Variants in SYT9 observed in about 807,000 individuals in gnomAD.
SYT9 encodes the protein synaptotagmin-9.
Under a neutral mutation model 48.4 loss-of-function variants are expected in SYT9, and 22 were observed. That is an observed-to-expected ratio of 0.45 (90% confidence interval 0.32 to 0.65). The LOEUF is 0.65. Among genes scored for constraint, SYT9 ranks in the 30% least tolerant of loss-of-function variants. The pLI is 0.03. For missense variants in SYT9, 577 were observed against 622.0 expected (o/e 0.93, Z 0.77); for synonymous variants, 265 against 245.0 (o/e 1.08, Z -0.76).
chr11:7,250,440 T>TC (rs35685637), upstream of SYT9, among the ~76,000 whole-genome samples: 32 of 116,322 alleles, frequency 2.8e-4, no homozygotes, highest in South Asian at 6.4e-4. Flanking sequence ...TTACTATATG[T>TC]CCCCCCCGCC....
intron 6 of SYT9, among the ~76,000 whole-genome samples, chr11:7,423,009 T>A (rs985206201): frequency 2.6e-5 from 4 of 152,244 alleles, no homozygotes; most frequent in African/African-American, 7.2e-5. Context: ...CCACTGAAAC[T>A]TAGAAGTCAT....
chr11:7,252,328 C>T lies in SYT9; in HGVS notation c.142C>T (p.Pro48Ser), dbSNP rs781298906. 6.8e-7 allele frequency: 1 copy of T among 1,478,758 alleles called. No homozygotes were observed. Among genetic ancestry groups the T allele is most frequent in the South Asian group, 1.4e-5 (1 of 73,768 alleles). 91.6% of individuals were successfully genotyped at this position (1,478,758 alleles called of 1,614,324 possible). A position where few individuals can be genotyped will look rare whatever the true frequency, so the allele number is the denominator to read the frequency against. The change falls in exon 1 of 7, where the codon CCA becomes TCA. Residue 48 changes from proline (P) to serine (S), a missense_variant. Physicochemically the swap from Pro to Ser is moderately conservative, Grantham distance 74. Coordinates refer to ENST00000318881, the MANE Select transcript of SYT9 (RefSeq NM_175733.4). The surrounding 1 kb of genome is among the most constrained non-coding windows in gnomAD (Gnocchi z 6.3). Reference protein sequence around the residue: ...RDRARPRLRDPDISVSLLTLV... With the variant: ...RDRARPRLRDSDISVSLLTLV... ...CCGTGCCAGACCCCGGCTCCGCGAC[C>T]CAGGTGAGTGCCGCCACCGCCGCCT...
Position 7,252,158 on chromosome 11 carries a change from C to T in SYT9, c.-29C>T. ...AGGGCTGTCTCCTGCGCCCGCCTGC[C>T]CGGCGCGGTCCGAGGATGCGGGGGG... is the stretch of plus-strand genomic sequence containing the variant. On this transcript the variant is annotated 5_prime_UTR_variant, in exon 1 of 7. Coordinates refer to ENST00000318881, the MANE Select transcript of SYT9 (RefSeq NM_175733.4). This position sits in a 1 kb window ranked among gnomAD's most constrained non-coding sequence, Gnocchi z 6.3. 7.1e-7 allele frequency: 1 copy of T among 1,406,812 alleles called. No individual in the cohort carries two copies. Among genetic ancestry groups the T allele is most frequent in the Non-Finnish European group, 9.2e-7 (1 of 1,084,536 alleles). The allele number at this position is 1,406,812 out of a possible 1,614,324, so 87.1% of individuals were successfully genotyped here.
intron 3 of SYT9, among the ~76,000 whole-genome samples, chr11:7,351,446 G>A (rs1311875787): frequency 1.3e-5 from 2 of 152,158 alleles, no homozygotes; most frequent in African/African-American, 2.4e-5. Context: ...GAGAGCAGCC[G>A]CTGAGTTACG....
chr11:7,420,496 A>C lies in SYT9; in HGVS notation c.1338-10A>C. On this transcript the variant is annotated splice_polypyrimidine_tract_variant and intron_variant, in intron 5 of 6. Coordinates refer to ENST00000318881, the MANE Select transcript of SYT9 (RefSeq NM_175733.4). ...TTTTAAGAAAAAACTATTGTGGGCC[A>C]TTTTCACAGTGTAGGTCACAATGAG... 6.2e-7 allele frequency: 1 copy of C among 1,613,586 alleles called. No individual in the cohort carries two copies. The highest frequency in any genetic ancestry group is 8.5e-7 in the Non-Finnish European group (1 of 1,179,714).
intron 3 of SYT9, among the ~76,000 whole-genome samples, chr11:7,332,371 T>A (rs1275788298): frequency 3.9e-5 from 6 of 152,160 alleles, no homozygotes; most frequent in Non-Finnish European, 7.3e-5. Context: ...TCCCAAGAAA[T>A]ATAGAGCCAT....
chr11:7,262,075 T>C (rs191050409), intron 1 of SYT9, among the ~76,000 whole-genome samples: 31 of 152,116 alleles, frequency 2.0e-4, no homozygotes, highest in Non-Finnish European at 4.3e-4. Context: ...AGGTGAAAGA[T>C]GGTGGTGGCT....
chr11:7,264,316 T>A (rs1213892964), intron 1 of SYT9, among the ~76,000 whole-genome samples: 1 of 152,178 alleles, frequency 6.6e-6, no homozygotes, highest in Non-Finnish European at 1.5e-5. Context: ...TTGGCGATCA[T>A]GAATTTAAAG....
rs1444904331 is a variant in SYT9 at position 7,331,256 on chromosome 11, G to A, written c.1044+17315G>A. 3.1e-5 allele frequency among the ~76,000 whole-genome samples: 2 copies of A among 65,382 alleles called. 1 individual carries two copies. The highest frequency in any genetic ancestry group is 1.0e-4 in the African/African-American group (2 of 19,550). The allele number at this position is 65,382 out of a possible 152,430, so 42.9% of individuals were successfully genotyped here. On this transcript the variant is annotated intron_variant, in intron 3 of 6. Coordinates refer to ENST00000318881, the MANE Select transcript of SYT9 (RefSeq NM_175733.4). Reference sequence around the variant, plus strand: ...TATTGAGGACCAATACCAGTCAACTGGTGGTAGCTGACTAATGTATTGTGT... The same window carrying A: ...TATTGAGGACCAATACCAGTCAACTAGTGGTAGCTGACTAATGTATTGTGT...
At chr11:7,414,953 G>A (rs1167009224) in intron 3 of SYT9, among the ~76,000 whole-genome samples, 1 of 152,134 alleles carries the variant, frequency 6.6e-6, no homozygotes, top group African/African-American at 2.4e-5. Context: ...GATAACCTCA[G>A]GTATCTCTCA....
chr11:7,454,177 C>A (rs1477599556), intron 6 of SYT9: 1 of 985,288 alleles, frequency 1.0e-6, no homozygotes, highest in Non-Finnish European at 1.2e-6. Flanking sequence ...CCTCCAGCTC[C>A]CAGAATCACC....
chr11:7,239,193 A>T (rs1218805096), intron 1 of SYT9, among the ~76,000 whole-genome samples: 1 of 152,170 alleles, frequency 6.6e-6, no homozygotes, highest in African/African-American at 2.4e-5. Context: ...CACTGCCTCA[A>T]AGTAGCTTAA....
In SYT9 at chr11:7,303,337, T is replaced by C. The variant is rs754977078; in HGVS notation, c.444T>C (p.Cys148=). 8.1e-6 allele frequency: 13 copies of C among 1,613,426 alleles called. No homozygotes were observed. The highest frequency in any genetic ancestry group is 1.0e-5 in the Non-Finnish European group (12 of 1,180,018). The change falls in exon 2 of 7, where the codon TGT becomes TGC. Residue 148 remains cysteine (C), a synonymous_variant. Coordinates refer to ENST00000318881, the MANE Select transcript of SYT9 (RefSeq NM_175733.4). ...CCCAGACGGGGATCCAGGAGAACTG[T>C]GCCCATGGCGTCCGCGTGCAGCGCC... ...LSTQTGIQEN[C]AHGVRVQRQV...
chr11:7,339,706 G>C (rs777978464), intron 3 of SYT9, among the ~76,000 whole-genome samples: 35 of 152,270 alleles, frequency 2.3e-4, no homozygotes, highest in South Asian at 1.0e-3. Context: ...GGTTCGTAGA[G>C]TTTCTGCTGA....
chr11:7,345,922 A>G (rs10732508), intron 3 of SYT9, among the ~76,000 whole-genome samples: 152,068 of 152,354 alleles, frequency 1, 75,892 homozygotes, highest in Middle Eastern at 1. Flanking sequence ...CCAAAGAGGT[A>G]AAAGGAAAAC....
chr11:7,437,537 G>A (rs1163445405), intron 6 of SYT9: 1 of 151,870 alleles, frequency 6.6e-6, no homozygotes, highest in East Asian at 1.9e-4. Context: ...CTTTGAAAAC[G>A]ACCACTGTAT....
rs182632583 is a variant in SYT9 at position 7,386,588 on chromosome 11, C to G, written c.1045-29454C>G. 1.3e-3 allele frequency among the ~76,000 whole-genome samples: 202 copies of G among 152,218 alleles called. 2 individuals carry two copies. Among genetic ancestry groups the G allele is most frequent in the African/African-American group, 4.7e-3 (197 of 41,524 alleles). On this transcript the variant is annotated intron_variant, in intron 3 of 6. Coordinates refer to ENST00000318881, the MANE Select transcript of SYT9 (RefSeq NM_175733.4). ...GCCATCACAGAAATGCAAATCAAAA[C>G]CACTATGAGATACCAGCTCACACCA...
chr11:7,283,229 T>C (rs922235808), intron 1 of SYT9, among the ~76,000 whole-genome samples: 11 of 151,496 alleles, frequency 7.3e-5, no homozygotes, highest in Non-Finnish European at 1.6e-4. Flanking sequence ...TTAAGCTGAA[T>C]ACTTACTAAG....
chr11:7,343,150 G>A (rs1208199209), intron 3 of SYT9, among the ~76,000 whole-genome samples: 1 of 152,168 alleles, frequency 6.6e-6, no homozygotes, highest in Non-Finnish European at 1.5e-5. Context: ...GACATGTCCT[G>A]GAGACATTTT....
Sources: gnomAD v4.1 joint callset for allele counts (sites outside exome capture counted in the v4.1 genomes callset) on GRCh38, gnomAD v4.1.1 for gene constraint, Gnocchi (gnomAD v3.1) non-coding constraint, MANE v1.5 for transcripts, NCBI Gene and HGNC (gene_info 2026-07-23, HGNC 2026-07-21) for gene names.